Variants in PRR16 observed in about 807,000 individuals in gnomAD.
PRR16 encodes the protein proline rich 16.
In PRR16, 6 loss-of-function variants were observed where a neutral mutation model predicts 18.2. That is an observed-to-expected ratio of 0.33 (90% CI 0.18 to 0.65). The LOEUF (loss-of-function observed/expected upper bound fraction) is 0.65, where lower values mean the gene tolerates loss of function less well. Among genes scored for constraint, PRR16 ranks in the 30% least tolerant of loss-of-function variants. The pLI, the probability that PRR16 is intolerant of heterozygous loss-of-function variation, is 0.74. For missense variants in PRR16, 412 were observed against 376.6 expected (o/e 1.09, Z -0.78); for synonymous variants, 151 against 147.8 (o/e 1.02, Z -0.16).
rs182790009 is a variant in PRR16, at chr5:120,489,044, C to T, written c.159+24399C>T. ...GTTTGTTCTAATTTCTGTTCTTTTACATTTGCTGAGGAGAGCTTTACTTCC... is the reference window on the plus strand; with the variant it reads ...GTTTGTTCTAATTTCTGTTCTTTTATATTTGCTGAGGAGAGCTTTACTTCC... On this transcript the variant is annotated intron_variant, in intron 1 of 1. Coordinates refer to ENST00000407149, the MANE Select transcript of PRR16 (RefSeq NM_001300783.2). Among the ~76,000 whole-genome samples the T allele has an allele frequency of 5.2e-3, 796 of 152,252 alleles. 12 individuals are homozygous for T. Among genetic ancestry groups the T allele is most frequent in the African/African-American group, 0.018 (757 of 41,546 alleles).
the PRR16 span, among the ~76,000 whole-genome samples, chr5:120,700,461 T>C: frequency 1.6e-3 from 237 of 152,016 alleles, 7 homozygotes; most frequent in Non-Finnish European, 1.4e-3. Context: ...AAGAGGAGGA[T>C]GCAAAGGAGG....
intron 1 of PRR16, among the ~76,000 whole-genome samples, chr5:120,484,730 C>T (rs1749736138): frequency 6.7e-6 from 1 of 148,970 alleles, no homozygotes; most frequent in African/African-American, 2.4e-5. Flanking sequence ...TTTTTTCCAT[C>T]AATGTTAAAT....
intron 1 of PRR16, among the ~76,000 whole-genome samples, chr5:120,563,916 G>T (rs564478549): frequency 4.6e-5 from 7 of 152,124 alleles, no homozygotes; most frequent in Admixed American, 3.9e-4. Context: ...CATACTAAAC[G>T]GGTATTACTC....
chr5:120,659,015 A>G (rs1756083536), intron 1 of PRR16, among the ~76,000 whole-genome samples: 1 of 151,516 alleles, frequency 6.6e-6, no homozygotes, highest in African/African-American at 2.4e-5. Context: ...TTTCTCTCTC[A>G]CCTGCGACCC....
At chr5:120,729,303 A>G in the PRR16 span, among the ~76,000 whole-genome samples, 1 of 152,158 alleles carries the variant, frequency 6.6e-6, no homozygotes, top group Non-Finnish European at 1.5e-5. Context: ...CATGCTCTCC[A>G]GCTGTGTGGC....
At chr5:120,682,212 A>G (rs1383597932) in intron 1 of PRR16, among the ~76,000 whole-genome samples, 1 of 152,190 alleles carries the variant, frequency 6.6e-6, no homozygotes, top group African/African-American at 2.4e-5. Context: ...TTTTCTGAGC[A>G]GACTGCTTGA....
At chr5:120,520,568 G>C (rs1413306316) in intron 1 of PRR16, among the ~76,000 whole-genome samples, 4 of 152,116 alleles carry the variant, frequency 2.6e-5, no homozygotes, top group Non-Finnish European at 5.9e-5. Flanking sequence ...GGTTCATGAT[G>C]GTTCCGTATT....
chr5:120,686,736 T>C lies in PRR16; in HGVS notation c.*27T>C, dbSNP rs1436824811. ...GTATGCCATTAAAAAAATTGTTTTT[T>C]TAATTTTCTATATTATAAACATAAA... On this transcript the variant is annotated 3_prime_UTR_variant, in exon 2 of 2. Transcript: ENST00000407149. 1 of 1,409,514 alleles carries C rather than the reference T, an allele frequency of 7.1e-7. No homozygotes were observed. The highest frequency in any genetic ancestry group is 9.4e-7 in the Non-Finnish European group (1 of 1,068,724). 87.3% of individuals were successfully genotyped at this position (1,409,514 alleles called of 1,614,324 possible).
intron 1 of PRR16, among the ~76,000 whole-genome samples, chr5:120,547,547 C>T (rs574346137): frequency 1.3e-5 from 2 of 149,650 alleles, no homozygotes; most frequent in East Asian, 3.9e-4. Context: ...ATCCTCATTT[C>T]GATGCATTTT....
At chr5:120,531,919 A>T (rs1030832394) in intron 1 of PRR16, among the ~76,000 whole-genome samples, 1 of 152,200 alleles carries the variant, frequency 6.6e-6, no homozygotes, top group East Asian at 1.9e-4. Flanking sequence ...GTTAATTAGC[A>T]TGTAATGCAT....
intron 1 of PRR16, among the ~76,000 whole-genome samples, chr5:120,667,971 T>C (rs1054395940): frequency 1.7e-4 from 26 of 152,188 alleles, no homozygotes; most frequent in African/African-American, 6.3e-4. Context: ...CTATTAGGTC[T>C]GCTTGGTGCA....
chr5:120,493,387 C>T (rs779092650), intron 1 of PRR16, among the ~76,000 whole-genome samples: 1 of 152,120 alleles, frequency 6.6e-6, no homozygotes, highest in Non-Finnish European at 1.5e-5. Context: ...TTATAGACTA[C>T]AGCATCGCTT....
the PRR16 span, among the ~76,000 whole-genome samples, chr5:120,762,265 ATTTTTAG>A: frequency 6.6e-6 from 1 of 152,162 alleles, no homozygotes; most frequent in African/African-American, 2.4e-5. Flanking sequence ...TGGTAGTTCT[ATTTTTAG>A]TTTTTAAAGA....
At chr5:120,479,831 C>G (rs917264045) in intron 1 of PRR16, among the ~76,000 whole-genome samples, 12 of 151,644 alleles carry the variant, frequency 7.9e-5, no homozygotes, top group Middle Eastern at 6.9e-3. Context: ...ACTTTGATAC[C>G]TACTAGTTCT....
chr5:120,637,644 G>A (rs543262812), intron 1 of PRR16, among the ~76,000 whole-genome samples: 7 of 151,738 alleles, frequency 4.6e-5, no homozygotes, highest in African/African-American at 1.7e-4. Context: ...TGGGGATTTG[G>A]GGGGAAGGGT....
intron 1 of PRR16, among the ~76,000 whole-genome samples, chr5:120,503,973 C>T (rs533599380): frequency 5.3e-5 from 8 of 152,132 alleles, no homozygotes; most frequent in South Asian, 2.1e-4. Context: ...ATGAACTCAT[C>T]ATTTTTTATG....
intron 1 of PRR16, among the ~76,000 whole-genome samples, chr5:120,525,447 G>A (rs1165633417): frequency 2.0e-5 from 3 of 151,820 alleles, no homozygotes; most frequent in African/African-American, 4.8e-5. Flanking sequence ...TTAAGAATGT[G>A]TGCAAGCCAT....
chr5:120,587,024 C>A (rs1753470272), intron 1 of PRR16, among the ~76,000 whole-genome samples: 1 of 152,166 alleles, frequency 6.6e-6, no homozygotes, highest in African/African-American at 2.4e-5. Flanking sequence ...AGCCTTATTG[C>A]TGATGAGAAA....
chr5:120,521,504 C>G (rs1435035423), intron 1 of PRR16, among the ~76,000 whole-genome samples: 1 of 151,654 alleles, frequency 6.6e-6, no homozygotes, highest in Non-Finnish European at 1.5e-5. Flanking sequence ...TTTTTCTTAA[C>G]TTTTTATTTA....
Sources: gnomAD v4.1 joint callset for allele counts (sites outside exome capture counted in the v4.1 genomes callset) on GRCh38, gnomAD v4.1.1 for gene constraint, MANE v1.5 for transcripts, NCBI Gene and HGNC (gene_info 2026-07-23, HGNC 2026-07-21) for gene names.